SHISA6: variants seen among roughly 807,000 people sequenced by gnomAD.
SHISA6 encodes the protein protein shisa-6.
SHISA6 carries 22 observed loss-of-function variants against 47.9 expected under a neutral mutation model. The ratio of observed to expected loss-of-function variants is 0.46; its 90% CI spans 0.33 to 0.66. The LOEUF (loss-of-function observed/expected upper bound fraction) is 0.66, where lower values mean the gene tolerates loss of function less well. Ranked by LOEUF, SHISA6 falls within the 30% of genes least tolerant of loss-of-function variation. SHISA6 has a pLI of 0.02. For missense variants in SHISA6, 680 were observed against 764.6 expected (o/e 0.89, Z 1.30); for synonymous variants, 388 against 337.8 (o/e 1.15, Z -1.63).
rs548619604 is a variant in SHISA6 at position 11,525,631 on chromosome 17, C to CAAAAAAA, written c.896-26251_896-26245dup. Among the ~76,000 whole-genome samples, 68 of 58,898 alleles carry CAAAAAAA rather than the reference C, an allele frequency of 1.2e-3. 1 individual carries two copies. Among genetic ancestry groups the CAAAAAAA allele is most frequent in the Admixed American group, 1.5e-3 (6 of 3,990 alleles). 38.6% of individuals were successfully genotyped at this position (58,898 alleles called of 152,430 possible). On this transcript the variant is annotated intron_variant, in intron 3 of 5. Coordinates refer to ENST00000441885, the MANE Select transcript of SHISA6 (RefSeq NM_207386.4). ...CTGGCAACAGAGCAAGACTCCGTCTCAAAAAAAAAAAAAAAAAAAACAAAA... is the reference window on the plus strand; with the variant it reads ...CTGGCAACAGAGCAAGACTCCGTCTCAAAAAAAAAAAAAAAAAAAAAAAAAAACAAAA...
chr17:11,310,859 A>G (rs1910304524), intron 2 of SHISA6, among the ~76,000 whole-genome samples: 1 of 152,074 alleles, frequency 6.6e-6, no homozygotes, highest in African/African-American at 2.4e-5. Flanking sequence ...CTGTAATCCC[A>G]GCACTTTGGG....
At chr17:11,350,620 C>T (rs1911856871) in intron 2 of SHISA6, among the ~76,000 whole-genome samples, 2 of 152,132 alleles carry the variant, frequency 1.3e-5, no homozygotes, top group Non-Finnish European at 2.9e-5. Flanking sequence ...TGTCAATCAT[C>T]TCTCACTGGA....
chr17:11,367,796 A>G (rs1912505089), intron 2 of SHISA6, among the ~76,000 whole-genome samples: 1 of 152,216 alleles, frequency 6.6e-6, no homozygotes, highest in East Asian at 1.9e-4. Flanking sequence ...GGCTCAGGGT[A>G]TAACAGTCTG....
At chr17:11,317,934 C>A (rs185326654) in intron 2 of SHISA6, among the ~76,000 whole-genome samples, 31 of 152,068 alleles carry the variant, frequency 2.0e-4, no homozygotes, top group African/African-American at 7.0e-4. Context: ...TTTTACTTAT[C>A]CCTCAGCCAT....
At chr17:11,479,486 G>A (rs1404374541) in intron 3 of SHISA6, among the ~76,000 whole-genome samples, 4 of 152,016 alleles carry the variant, frequency 2.6e-5, no homozygotes, top group Non-Finnish European at 5.9e-5. Flanking sequence ...AGGAGGGAGA[G>A]CATTAGGACA....
intron 2 of SHISA6, among the ~76,000 whole-genome samples, chr17:11,335,878 G>A (rs1263792327): frequency 6.6e-6 from 1 of 152,080 alleles, no homozygotes; most frequent in African/African-American, 2.4e-5. Context: ...TGGTTCAAAT[G>A]ACATATGCGA....
chr17:11,512,827 T>C (rs1235612171), intron 3 of SHISA6, among the ~76,000 whole-genome samples: 1 of 152,162 alleles, frequency 6.6e-6, no homozygotes, highest in East Asian at 1.9e-4. Flanking sequence ...ATGATCTACA[T>C]TATGAGTTGT....
chr17:11,303,947 C>T, intron 2 of SHISA6, among the ~76,000 whole-genome samples: 1 of 152,122 alleles, frequency 6.6e-6, no homozygotes, highest in East Asian at 1.9e-4. Context: ...GGCCATGTTT[C>T]CAGCGTGCCA....
In SHISA6 at chr17:11,316,419, C is replaced by CTT. The variant is rs551048325; in HGVS notation, c.799+52911_799+52912dup. 1.3e-3 allele frequency among the ~76,000 whole-genome samples: 72 copies of CTT among 56,898 alleles called. 1 individual carries two copies. Among genetic ancestry groups the CTT allele is most frequent in the African/African-American group, 5.5e-3 (62 of 11,256 alleles). 37.3% of individuals were successfully genotyped at this position (56,898 alleles called of 152,430 possible). A position where few individuals can be genotyped will look rare whatever the true frequency, so the allele number is the denominator to read the frequency against. On this transcript the variant is annotated intron_variant, in intron 2 of 5. Transcript: ENST00000441885. The stretch of plus-strand genomic sequence containing the variant: ...TCTGTCTCTCTCTCTCTCTCTCTCT[C>CTT]TTTTTTTTTTTTTTTTTTTGAGACG...
chr17:11,242,683 C>A lies in SHISA6; in HGVS notation c.638+623C>A, dbSNP rs190478708. On this transcript the variant is annotated intron_variant, in intron 1 of 5. Transcript: ENST00000441885. ...TCCTGCTGAGACTAGAGGACTCGTT[C>A]TTTGAAACCCTGTAGGCAGAACTCT... is the stretch of plus-strand genomic sequence containing the variant. Among the ~76,000 whole-genome samples, 55 of 152,248 alleles carry A rather than the reference C, an allele frequency of 3.6e-4. No homozygotes were observed. In the East Asian group the frequency reaches 6.8e-3, roughly 19 times the overall value.
chr17:11,393,297 T>C (rs1007811814), intron 3 of SHISA6, among the ~76,000 whole-genome samples: 1 of 152,180 alleles, frequency 6.6e-6, no homozygotes, highest in Non-Finnish European at 1.5e-5. Flanking sequence ...TGCATCCAAG[T>C]CCGTTACCAT....
intron 3 of SHISA6, among the ~76,000 whole-genome samples, chr17:11,447,272 G>A (rs756653708): frequency 1.6e-4 from 25 of 152,218 alleles, no homozygotes; most frequent in Non-Finnish European, 2.8e-4. Context: ...AAATAAGAAG[G>A]TAGTCTCTGA....
chr17:11,499,434 C>A (rs372736782), intron 3 of SHISA6, among the ~76,000 whole-genome samples: 1 of 152,120 alleles, frequency 6.6e-6, no homozygotes, highest in Non-Finnish European at 1.5e-5. Flanking sequence ...TTTCTTCCCC[C>A]ACCTGTCCCA....
At chr17:11,283,841 G>A (rs539795335) in intron 2 of SHISA6, among the ~76,000 whole-genome samples, 68 of 152,246 alleles carry the variant, frequency 4.5e-4, no homozygotes, top group African/African-American at 1.3e-3. Flanking sequence ...CTCTTATATT[G>A]CTTCTATTGC....
chr17:11,412,615 C>G (rs1004260955), intron 3 of SHISA6, among the ~76,000 whole-genome samples: 1 of 151,776 alleles, frequency 6.6e-6, no homozygotes, highest in Non-Finnish European at 1.5e-5. Context: ...GATCTTGGCT[C>G]ACTGCAAGCT....
chr17:11,558,488 A>G lies in SHISA6; in HGVS notation c.*184A>G, dbSNP rs1304956776. 5 of 645,490 alleles carry G rather than the reference A, an allele frequency of 7.7e-6. No individual in the cohort carries two copies. Among genetic ancestry groups the G allele is most frequent in the African/African-American group, 5.5e-5 (3 of 54,634 alleles). The allele number at this position is 645,490 out of a possible 1,614,324, so 40.0% of individuals were successfully genotyped here. ...GACACAGCCCCGATGGCCTGGTCCA[A>G]TACACTTAGACCCAGGACCAAGAGC... On this transcript the variant is annotated 3_prime_UTR_variant, in exon 6 of 6. Coordinates refer to ENST00000441885, the MANE Select transcript of SHISA6 (RefSeq NM_207386.4).
intron 3 of SHISA6, among the ~76,000 whole-genome samples, chr17:11,396,320 A>G (rs184013795): frequency 1.5e-3 from 233 of 152,248 alleles, no homozygotes; most frequent in Admixed American, 2.6e-3. Flanking sequence ...TTCATGAATG[A>G]TACTGGTTGA....
chr17:11,377,470 C>T (rs970446177), intron 2 of SHISA6, among the ~76,000 whole-genome samples: 20 of 152,174 alleles, frequency 1.3e-4, no homozygotes, highest in Admixed American at 1.1e-3. Context: ...CAGCGGCATC[C>T]GCATCACCAG....
At chr17:11,520,572 C>A (rs1037276398) in intron 3 of SHISA6, among the ~76,000 whole-genome samples, 1 of 152,144 alleles carries the variant, frequency 6.6e-6, no homozygotes, top group African/African-American at 2.4e-5. Context: ...CTACACTGAT[C>A]ATTTCAGTGT....
Sources: allele counts gnomAD v4.1 joint callset (sites outside exome capture counted in the v4.1 genomes callset), GRCh38; gene constraint gnomAD v4.1.1; transcripts MANE v1.5; gene names NCBI Gene and HGNC (gene_info 2026-07-23, HGNC 2026-07-21).